Variants in CSMD1 observed in about 807,000 individuals in gnomAD.
CSMD1 encodes CUB and sushi domain-containing protein 1.
In CSMD1, 213 loss-of-function variants were observed where a neutral mutation model predicts 417.5. The ratio of observed to expected loss-of-function variants is 0.51; its 90% CI spans 0.46 to 0.57. The LOEUF (loss-of-function observed/expected upper bound fraction) is 0.57. CSMD1 is among the 20% of genes least tolerant of loss of function. The pLI, the probability that CSMD1 is intolerant of heterozygous loss-of-function variation, is 0.00. For missense variants in CSMD1, 6,923 were observed against 4,529.7 expected, an observed-to-expected ratio of 1.53 and a Z score of -15.17; for synonymous variants, 2,862 against 1,736.8, an observed-to-expected ratio of 1.65 and a Z score of -16.11.
intron 3 of CSMD1, among the ~76,000 whole-genome samples, chr8:4,289,320 C>G (rs11784668): frequency 0.87 from 132,990 of 152,270 alleles, 58,924 homozygotes; most frequent in East Asian, 0.97. Context: ...ATTGCTATCA[C>G]GTAACTCCCA....
At chr8:2,995,665 A>C (rs567653923) in intron 54 of CSMD1, among the ~76,000 whole-genome samples, 55 of 152,312 alleles carry the variant, frequency 3.6e-4, no homozygotes, top group African/African-American at 1.3e-3. Flanking sequence ...TTCAATGGGT[A>C]AATGGTGAAA....
At chr8:3,979,815 A>G (rs1367426000) in intron 5 of CSMD1, among the ~76,000 whole-genome samples, 1 of 152,204 alleles carries the variant, frequency 6.6e-6, no homozygotes, top group Non-Finnish European at 1.5e-5. Flanking sequence ...GACAATACAA[A>G]CCCATGAAGA....
At chr8:2,963,462 T>A in intron 59 of CSMD1, 67 bp from the exon 60 acceptor site, 1 of 1,499,454 alleles carries the variant, frequency 6.7e-7, no homozygotes. Context: ...GTTCAAACGA[T>A]TCCCATTTTA....
chr8:3,314,019 G>A (rs1243923809), intron 23 of CSMD1, among the ~76,000 whole-genome samples: 1 of 151,588 alleles, frequency 6.6e-6, no homozygotes, highest in Non-Finnish European at 1.5e-5. Flanking sequence ...CTATCACAAG[G>A]ACAAAAAACC....
chr8:3,809,605 G>A (rs536472618), intron 5 of CSMD1, among the ~76,000 whole-genome samples: 1 of 152,172 alleles, frequency 6.6e-6, no homozygotes, highest in African/African-American at 2.4e-5. Flanking sequence ...CACCTGCAGA[G>A]TGTCTAATTC....
At chr8:4,049,171 A>G (rs1272068599) in intron 3 of CSMD1, among the ~76,000 whole-genome samples, 1 of 152,044 alleles carries the variant, frequency 6.6e-6, no homozygotes, top group Non-Finnish European at 1.5e-5. Context: ...TTGTAACATC[A>G]AAGAGTCTAT....
At chr8:4,306,860 T>G (rs555346769) in intron 3 of CSMD1, among the ~76,000 whole-genome samples, 7 of 151,612 alleles carry the variant, frequency 4.6e-5, no homozygotes, top group Admixed American at 2.6e-4. Context: ...AATTTTTCAA[T>G]CTCTTTTTGC....
chr8:4,304,200 G>C (rs1214624950), intron 3 of CSMD1, among the ~76,000 whole-genome samples: 3 of 152,162 alleles, frequency 2.0e-5, no homozygotes, highest in South Asian at 2.1e-4. Flanking sequence ...AGCCAGTTTT[G>C]ATGAAAAGAG....
intron 37 of CSMD1, among the ~76,000 whole-genome samples, chr8:3,167,341 C>T (rs1190713146): frequency 6.7e-6 from 1 of 149,534 alleles, no homozygotes; most frequent in Non-Finnish European, 1.5e-5. Flanking sequence ...TTGGCTATCA[C>T]TTTTAATGGC....
chr8:3,935,700 G>A (rs907041739), intron 5 of CSMD1, among the ~76,000 whole-genome samples: 1 of 152,082 alleles, frequency 6.6e-6, no homozygotes, highest in East Asian at 1.9e-4. Flanking sequence ...TGACTGGCCT[G>A]GTCACTCCCA....
chr8:3,876,891 C>T (rs1409915535), intron 5 of CSMD1, among the ~76,000 whole-genome samples: 1 of 152,222 alleles, frequency 6.6e-6, no homozygotes, highest in South Asian at 2.1e-4. Flanking sequence ...CGTGGGATTA[C>T]AGGCATGATC....
At chr8:4,076,675 A>C (rs554463080) in intron 3 of CSMD1, among the ~76,000 whole-genome samples, 1 of 152,210 alleles carries the variant, frequency 6.6e-6, no homozygotes, top group African/African-American at 2.4e-5. Context: ...ATCGTGCTCC[A>C]AACAAAACAT....
At chr8:3,238,464 C>T (rs748585686) in intron 26 of CSMD1, among the ~76,000 whole-genome samples, 12 of 151,912 alleles carry the variant, frequency 7.9e-5, no homozygotes, top group African/African-American at 2.7e-4. Flanking sequence ...AGTGCTGGGA[C>T]GGCAAAAATT....
intron 1 of CSMD1, among the ~76,000 whole-genome samples, chr8:4,800,844 G>A (rs1430716231): frequency 6.6e-6 from 1 of 152,220 alleles, no homozygotes; most frequent in Non-Finnish European, 1.5e-5. Flanking sequence ...CAAAGTCCAA[G>A]CCCTGAAACC....
At chr8:2,940,677 T>C (rs79075500) in intron 69 of CSMD1, among the ~76,000 whole-genome samples, 3,969 of 152,278 alleles carry the variant, frequency 0.026, 176 homozygotes, top group African/African-American at 0.092. Flanking sequence ...AGTTAAGATA[T>C]AATCAGAAGT....
chr8:4,313,885 A>G (rs927266497), intron 3 of CSMD1, among the ~76,000 whole-genome samples: 5 of 151,984 alleles, frequency 3.3e-5, no homozygotes, highest in African/African-American at 1.2e-4. Flanking sequence ...ATGGTGGTGC[A>G]CACCTGTAAT....
chr8:3,212,343 G>C (rs1319570624), intron 30 of CSMD1, among the ~76,000 whole-genome samples: 1 of 152,030 alleles, frequency 6.6e-6, no homozygotes, highest in Non-Finnish European at 1.5e-5. Flanking sequence ...CTATGATCAC[G>C]ATTTTAAAAC....
At chr8:4,736,305 A>T (rs555671611) in intron 1 of CSMD1, among the ~76,000 whole-genome samples, 3 of 152,150 alleles carry the variant, frequency 2.0e-5, no homozygotes, top group Non-Finnish European at 4.4e-5. Flanking sequence ...TATCCAGGAA[A>T]ATTTAGGTAG....
chr8:3,818,014 A>G (rs1200163631), intron 5 of CSMD1, among the ~76,000 whole-genome samples: 2 of 152,180 alleles, frequency 1.3e-5, no homozygotes, highest in Non-Finnish European at 2.9e-5. Context: ...ACTTTATTTT[A>G]AAACCTTCCA....
Sources: allele counts gnomAD v4.1 joint callset (sites outside exome capture counted in the v4.1 genomes callset), GRCh38; gene constraint gnomAD v4.1.1; transcripts MANE v1.5; gene names NCBI Gene and HGNC (gene_info 2026-07-23, HGNC 2026-07-21).